PDZD2: variants seen among roughly 807,000 people sequenced by gnomAD.
The protein encoded by PDZD2 is PDZ domain containing 2.
A neutral mutation model predicts 220.7 loss-of-function variants in PDZD2; 90 were observed. That is an observed-to-expected ratio of 0.41 (90% CI 0.34 to 0.49). The LOEUF is 0.49. Ranked by LOEUF, PDZD2 falls within the 20% of genes least tolerant of loss-of-function variation. The pLI is 0.28. For synonymous variants in PDZD2, 1,375 were observed against 1,450.5 expected (o/e 0.95, Z 1.18); for missense variants, 3,174 against 3,608.5 (o/e 0.88, Z 3.08).
intron 6 of PDZD2, among the ~76,000 whole-genome samples, chr5:32,011,020 A>AAACAAC (rs200426487): frequency 1.4e-5 from 2 of 143,046 alleles, no homozygotes; most frequent in African/African-American, 5.2e-5. Context: ...AAAAAAAAAA[A>AAACAAC]AACAACAACA....
intron 2 of PDZD2, among the ~76,000 whole-genome samples, chr5:31,814,017 T>C (rs1374910016): frequency 6.6e-6 from 1 of 152,192 alleles, no homozygotes; most frequent in Non-Finnish European, 1.5e-5. Context: ...TTGTAAAAAC[T>C]TTTTTAAATA....
At chr5:31,898,786 A>AAGGATAGAT (rs1274826084) in intron 2 of PDZD2, among the ~76,000 whole-genome samples, 1 of 149,676 alleles carries the variant, frequency 6.7e-6, no homozygotes, top group African/African-American at 2.5e-5. Flanking sequence ...GATCCTTCTT[A>AAGGATAGAT]AGGATAGATG....
At chr5:31,743,787 A>T (rs1479947484) in intron 1 of PDZD2, among the ~76,000 whole-genome samples, 1 of 152,040 alleles carries the variant, frequency 6.6e-6, no homozygotes, top group Non-Finnish European at 1.5e-5. Flanking sequence ...GGTGCCTCAG[A>T]TATGAAAGAA....
Position 31,983,415 on chromosome 5 carries a change from C to A in PDZD2, c.737C>A (p.Pro246His). ...GSAGCEVSSD[P>H]STELENGPDP... ...GCTGGCTGTGAGGTGTCCAGTGACC[C>A]CAGCACTGAGCTGGAGAACGGCCCT... Residue 246 changes from proline (P) to histidine (H), a missense_variant, in exon 3 of 25, where the codon CCC becomes CAC. By Grantham distance (77) the Pro-to-His change is moderately conservative. This residue lies in a region of PDZD2 where 632 missense variants were observed against 708.1 expected (regional missense o/e 0.89). Transcript: ENST00000438447. 2 of 1,614,196 alleles carry A rather than the reference C, an allele frequency of 1.2e-6. No homozygotes were observed. Among genetic ancestry groups the A allele is most frequent in the Non-Finnish European group, 1.7e-6 (2 of 1,180,036 alleles).
chr5:31,787,640 A>G (rs1753456784), intron 1 of PDZD2: 2 of 151,852 alleles, frequency 1.3e-5, no homozygotes, highest in Admixed American at 6.6e-5. Context: ...TTCAAAGGTC[A>G]TCAAACCCAG....
intron 1 of PDZD2, among the ~76,000 whole-genome samples, chr5:31,713,737 G>A (rs532058047): frequency 6.6e-6 from 1 of 151,606 alleles, no homozygotes; most frequent in South Asian, 2.1e-4. Flanking sequence ...AATAGAGACA[G>A]GGTTTCACCA....
In PDZD2 at chr5:31,992,377, A is replaced by G. The variant is rs118115755; in HGVS notation, c.979-3199A>G. Among the ~76,000 whole-genome samples the G allele has an allele frequency of 5.3e-3, 802 of 152,220 alleles. 18 individuals carry two copies. The highest frequency in any genetic ancestry group is 0.044 in the East Asian group (226 of 5,168). The stretch of plus-strand genomic sequence containing the variant: ...AGTTTTGTGGTTTGGGGCTGGGGGC[A>G]GGCAAGTGGAGTGGAAATGTGGGTG... On this transcript the variant is annotated intron_variant, in intron 3 of 24. Transcript: ENST00000438447.
chr5:31,846,102 G>T (rs564448695), intron 2 of PDZD2, among the ~76,000 whole-genome samples: 71 of 152,258 alleles, frequency 4.7e-4, no homozygotes, highest in Non-Finnish European at 8.7e-4. Flanking sequence ...CTCTGTGGTG[G>T]CTTTGGGTTT....
chr5:31,695,776 T>C (rs1371670373), intron 1 of PDZD2, among the ~76,000 whole-genome samples: 4 of 152,210 alleles, frequency 2.6e-5, no homozygotes, highest in Non-Finnish European at 5.9e-5. Flanking sequence ...GGTCAGCCTT[T>C]GTTCTCACCT....
At chr5:31,843,285 T>C (rs916150544) in intron 2 of PDZD2, 16 of 151,028 alleles carry the variant, frequency 1.1e-4, no homozygotes, top group African/African-American at 3.9e-4. Flanking sequence ...TTTTTTTTTT[T>C]AGATGGAGTC....
Position 31,799,637 on chromosome 5 carries a change from C to T in PDZD2, c.389C>T (p.Ala130Val). Residue 130 changes from alanine (A) to valine (V), a missense_variant, in exon 2 of 25, where the codon GCA becomes GTA. Ala to Val is a moderately conservative substitution (Grantham distance 64). This residue lies in a region of PDZD2 where 632 missense variants were observed against 708.1 expected (regional missense o/e 0.89). Transcript: ENST00000438447. ...ACAGAGCTGAGGAAGAACAGCCCAGCAGGGAAGAGTGGGAAGGTCCGACTG... is the reference window on the plus strand; with the variant it reads ...ACAGAGCTGAGGAAGAACAGCCCAGTAGGGAAGAGTGGGAAGGTCCGACTG... ...WVTELRKNSP[A>V]GKSGKVRLRD... 6.2e-7 allele frequency: 1 copy of T among 1,614,068 alleles called. No homozygotes were observed. The highest frequency in any genetic ancestry group is 8.5e-7 in the Non-Finnish European group (1 of 1,179,968).
chr5:31,683,153 C>T (rs1746715305), intron 1 of PDZD2, among the ~76,000 whole-genome samples: 1 of 142,374 alleles, frequency 7.0e-6, no homozygotes, highest in African/African-American at 2.6e-5. Flanking sequence ...GCTTTGGGTA[C>T]AGGCTGCTTC....
At chr5:31,689,554 G>A (rs1458997877) in intron 1 of PDZD2, among the ~76,000 whole-genome samples, 2 of 151,384 alleles carry the variant, frequency 1.3e-5, no homozygotes, top group Admixed American at 1.3e-4. Flanking sequence ...CCCTTCATAT[G>A]TATGTGATAT....
At chr5:31,742,995 C>G (rs77698230) in intron 1 of PDZD2, among the ~76,000 whole-genome samples, 5,660 of 151,092 alleles carry the variant, frequency 0.037, 364 homozygotes, top group African/African-American at 0.13. Context: ...AATTCAGAAA[C>G]TTTTCCAAAT....
At chr5:31,954,144 A>G (rs771307112) in intron 2 of PDZD2, among the ~76,000 whole-genome samples, 1 of 151,966 alleles carries the variant, frequency 6.6e-6, no homozygotes, top group Non-Finnish European at 1.5e-5. Context: ...AGTGACAGGA[A>G]TGGTTTTGCG....
Position 32,088,034 on chromosome 5 carries a change from G to T in PDZD2, c.4586G>T (p.Ser1529Ile). Residue 1529 changes from serine to isoleucine, a missense_variant, in exon 20 of 25, where the codon AGT becomes ATT. Around this residue, in one of 4 missense-constraint regions of PDZD2, gnomAD observed 1,861 missense variants for 2,001.0 expected, o/e 0.93. Coordinates refer to ENST00000438447, the MANE Select transcript of PDZD2 (RefSeq NM_178140.4). The surrounding 1 kb of genome is among the most constrained non-coding windows in gnomAD (Gnocchi z 4.6). ...AGCAACTACTCTAGAAATTTTAGCA[G>T]TTTTCATGAAGACAGCACCTCCCTA... ...FLSNYSRNFS[S>I]FHEDSTSLSG... 1 of 1,614,200 alleles carries T rather than the reference G, an allele frequency of 6.2e-7. No homozygotes were observed. Among genetic ancestry groups the T allele is most frequent in the East Asian group, 2.2e-5 (1 of 44,872 alleles).
At chr5:31,722,326 C>T (rs771078957) in intron 1 of PDZD2, among the ~76,000 whole-genome samples, 16 of 152,160 alleles carry the variant, frequency 1.1e-4, no homozygotes, top group South Asian at 2.1e-4. Flanking sequence ...TCCTCAAGCA[C>T]GCCCTTGGGT....
rs185510398 is a variant in PDZD2 at position 32,043,923 on chromosome 5, G to A, written c.1520-4616G>A. On this transcript the variant is annotated intron_variant, in intron 7 of 24. Coordinates refer to ENST00000438447, the MANE Select transcript of PDZD2 (RefSeq NM_178140.4). ...ATATCAGATGTGAGCCACCGTGCAC[G>A]ACCTAACCACTCTCATCATTAATAT... is the stretch of plus-strand genomic sequence containing the variant. Among the ~76,000 whole-genome samples the A allele has an allele frequency of 3.1e-3, 470 of 152,136 alleles. 1 individual carries two copies. Among genetic ancestry groups the A allele is most frequent in the African/African-American group, 0.011 (452 of 41,524 alleles).
At chr5:31,919,726 A>AG (rs1744035201) in intron 2 of PDZD2, among the ~76,000 whole-genome samples, 1 of 51,112 alleles carries the variant, frequency 2.0e-5, no homozygotes, top group Non-Finnish European at 4.3e-5. Flanking sequence ...AAGGAAAAAA[A>AG]AAAAGGCCAG....
Sources: gnomAD v4.1 joint callset for allele counts (sites outside exome capture counted in the v4.1 genomes callset) on GRCh38, gnomAD v4.1.1 for gene constraint, gnomAD v4.1.1 regional missense constraint, Gnocchi (gnomAD v3.1) non-coding constraint, MANE v1.5 for transcripts, NCBI Gene and HGNC (gene_info 2026-07-23, HGNC 2026-07-21) for gene names.